The following RYR1 variants were observed in gnomAD, a reference collection of about 807,000 sequenced individuals.
RYR1 encodes the protein central core disease of muscle.
RYR1 carries 342 observed loss-of-function variants against 583.5 expected under a neutral mutation model. The ratio of observed to expected loss-of-function variants is 0.59; its 90% confidence interval spans 0.54 to 0.64. RYR1 has a LOEUF of 0.64. Ranked by LOEUF, RYR1 falls within the 30% of genes least tolerant of loss-of-function variation. The pLI, the probability that RYR1 is intolerant of heterozygous loss-of-function variation, is 0.00. For synonymous variants in RYR1, 2,791 were observed against 2,822.5 expected (o/e 0.99, Z 0.35); for missense variants, 6,032 against 6,917.2 (o/e 0.87, Z 4.54).
chr19:38,525,206 C>A, intron 70 of RYR1, 126 bp from the exon 71 acceptor site: 1 of 1,063,700 alleles, frequency 9.4e-7, no homozygotes, highest in Non-Finnish European at 1.4e-6. Flanking sequence ...ATTGAGGTGT[C>A]GTCGGCAGTT....
At chr19:38,510,813 C>G (rs770676152) in intron 60 of RYR1, 32 bp downstream of exon 60, 8 of 1,613,646 alleles carry the variant, frequency 5.0e-6, no homozygotes, top group Non-Finnish European at 5.9e-6. Flanking sequence ...ACCCAGCCCC[C>G]TGACCTCACA....
chr19:38,478,686 C>T, intron 31 of RYR1, 86 bp downstream of exon 31: 1 of 1,510,662 alleles, frequency 6.6e-7, no homozygotes, highest in East Asian at 2.3e-5. Context: ...GAGGCCAGAC[C>T]TCAGAGATGG....
At chr19:38,511,494 T>G (rs553249562) in intron 60 of RYR1, 67 bp from the exon 61 acceptor site, 1 of 1,544,634 alleles carries the variant, frequency 6.5e-7, no homozygotes, top group African/African-American at 1.4e-5. Flanking sequence ...TGGGTCACGC[T>G]GTCCTCGTCT....
At chr19:38,527,123 C>T in intron 72 of RYR1, 71 bp downstream of exon 72, 1 of 1,544,784 alleles carries the variant, frequency 6.5e-7, no homozygotes, top group Non-Finnish European at 8.9e-7. Context: ...AAGGTTTGAG[C>T]ATTTACCAAA....
intron 37 of RYR1, among the ~76,000 whole-genome samples, chr19:38,491,143 G>A (rs11882818): frequency 0.22 from 33,813 of 152,004 alleles, 5,210 homozygotes; most frequent in African/African-American, 0.43. Context: ...AGATTCCCTT[G>A]CACATGATGA....
intron 31 of RYR1, among the ~76,000 whole-genome samples, chr19:38,479,621 C>G (rs1023760221): frequency 1.3e-5 from 2 of 152,110 alleles, no homozygotes; most frequent in Non-Finnish European, 2.9e-5. Flanking sequence ...TCATATTGTC[C>G]AGGCTGGTCT....
At chr19:38,445,859 G>A (rs894866149) in intron 7 of RYR1, among the ~76,000 whole-genome samples, 5 of 147,898 alleles carry the variant, frequency 3.4e-5, no homozygotes, top group South Asian at 4.2e-4. Context: ...GCATGATGGC[G>A]GGCGGCTGTA....
Position 38,502,931 on chromosome 19 carries a change from C to T in RYR1, c.7887C>T (p.Asp2629=), listed in dbSNP as rs759821097. Residue 2629 remains aspartate, a synonymous_variant, in exon 49 of 106, where the codon GAC becomes GAT. Coordinates refer to ENST00000359596, the MANE Select transcript of RYR1 (RefSeq NM_000540.3). The part of the protein sequence containing the change: ...LQHLLRRLVF[D]VPILNEFAKM... ...ACCTGTTGCGCCGCCTGGTGTTCGA[C>T]GTGCCCATCCTCAACGAGTTCGCCA... The T allele has an allele frequency of 4.8e-5, 77 of 1,611,366 alleles. No homozygotes were observed. The highest frequency in any genetic ancestry group is 6.7e-5 in the East Asian group (3 of 44,886).
At chr19:38,446,105 A>G (rs1474783263) in intron 7 of RYR1, among the ~76,000 whole-genome samples, 2 of 152,124 alleles carry the variant, frequency 1.3e-5, no homozygotes, top group African/African-American at 4.8e-5. Context: ...CCTCAACCCT[A>G]GAACTCAGAC....
intron 71 of RYR1, 184 bp from the exon 72 acceptor site, chr19:38,526,809 C>T (rs542727964): frequency 4.6e-5 from 28 of 609,514 alleles, no homozygotes; most frequent in South Asian, 1.8e-4. Flanking sequence ...TGTGACCCTC[C>T]GGCCCCTCTA....
chr19:38,544,889 G>T (rs970182708), intron 87 of RYR1, among the ~76,000 whole-genome samples: 4 of 152,106 alleles, frequency 2.6e-5, no homozygotes, highest in African/African-American at 9.7e-5. Flanking sequence ...GAAAAATAAA[G>T]AATTTATCAG....
In RYR1 at chr19:38,459,278, T is replaced by C; in HGVS notation, c.2300T>C (p.Phe767Ser). ...AACGGCTGCCCCGTGCAGGGTGTCTTTGAGTCCTTCAACCTGGACGGGCTC... is the reference window on the plus strand; with the variant it reads ...AACGGCTGCCCCGTGCAGGGTGTCTCTGAGTCCTTCAACCTGGACGGGCTC... ...RINGCPVQGV[F>S]ESFNLDGLFF... Residue 767 changes from phenylalanine (F) to serine (S), a missense_variant, in exon 19 of 106, where the codon TTT (phenylalanine) becomes TCT (serine). Phe to Ser is a radical substitution (Grantham distance 155). Transcript: ENST00000359596. 1 of 1,614,080 alleles carries C rather than the reference T, an allele frequency of 6.2e-7. No homozygotes were observed. Among genetic ancestry groups the C allele is most frequent in the Non-Finnish European group, 8.5e-7 (1 of 1,179,996 alleles).
chr19:38,462,514 C>T (rs1234376818), intron 20 of RYR1, among the ~76,000 whole-genome samples: 1 of 152,022 alleles, frequency 6.6e-6, no homozygotes, highest in Non-Finnish European at 1.5e-5. Context: ...CTTTCCTCAT[C>T]CCCATGTCCC....
At chr19:38,458,363 C>A in intron 18 of RYR1, 71 bp downstream of exon 18, 2 of 1,502,532 alleles carry the variant, frequency 1.3e-6, no homozygotes, top group South Asian at 1.1e-5. Flanking sequence ...TCTGACCATA[C>A]ACCTTGGGGT....
chr19:38,530,135 G>T (rs192939980), intron 76 of RYR1, among the ~76,000 whole-genome samples: 130 of 152,198 alleles, frequency 8.5e-4, no homozygotes, highest in African/African-American at 3.0e-3. Flanking sequence ...TGTATTTTTA[G>T]TAGAGACGGG....
Position 38,585,972 on chromosome 19 carries a change from C to G in RYR1, c.14838C>G (p.Asp4946Glu). ...LIIDAFGELRDQQEQVKEDME... is the reference protein window; with the variant it reads ...LIIDAFGELREQQEQVKEDME... ...TCGACGCTTTTGGTGAGCTCCGAGACCAACAAGAGCAAGTGAAGGAGGATA... is the reference window on the plus strand; with the variant it reads ...TCGACGCTTTTGGTGAGCTCCGAGAGCAACAAGAGCAAGTGAAGGAGGATA... The change falls in exon 103 of 106, where the codon GAC becomes GAG. Residue 4946 changes from aspartate to glutamate, a missense_variant. By Grantham distance (45) the Asp-to-Glu change is conservative. This residue lies in a region of RYR1 where 189 missense variants were observed against 350.3 expected (regional missense o/e 0.54). Coordinates refer to ENST00000359596, the MANE Select transcript of RYR1 (RefSeq NM_000540.3). The G allele has an allele frequency of 6.2e-7, 1 of 1,613,788 alleles. No homozygotes were observed. The highest frequency in any genetic ancestry group is 8.5e-7 in the Non-Finnish European group (1 of 1,179,974).
intron 37 of RYR1, 152 bp downstream of exon 37, chr19:38,490,884 T>G: frequency 1.4e-6 from 1 of 700,466 alleles, no homozygotes; most frequent in Admixed American, 2.0e-5. Context: ...ATGAATGTGT[T>G]AGTGAACAGT....
chr19:38,434,258 C>G (rs1321030887), intron 1 of RYR1, among the ~76,000 whole-genome samples: 1 of 152,018 alleles, frequency 6.6e-6, no homozygotes, highest in African/African-American at 2.4e-5. Flanking sequence ...CCCTAATTCT[C>G]TTTTTGCTCC....
chr19:38,458,882 G>A (rs1476791637), intron 18 of RYR1, among the ~76,000 whole-genome samples: 2 of 152,164 alleles, frequency 1.3e-5, no homozygotes, highest in Admixed American at 1.3e-4. Context: ...GCCTTCCAAA[G>A]TGCTGGGATT....
Sources: allele counts gnomAD v4.1 joint callset (sites outside exome capture counted in the v4.1 genomes callset), GRCh38; gene constraint gnomAD v4.1.1; regional missense constraint gnomAD v4.1.1; transcripts MANE v1.5; gene names NCBI Gene and HGNC (gene_info 2026-07-23, HGNC 2026-07-21).